The following EPHA3 variants were observed in gnomAD, a reference collection of about 807,000 sequenced individuals.
EPHA3 encodes ephrin type-A receptor 3.
Under a neutral mutation model 107.1 loss-of-function variants are expected in EPHA3, and 42 were observed. The ratio of observed to expected loss-of-function variants is 0.39; its 90% CI spans 0.31 to 0.51. The LOEUF is 0.51. Ranked by LOEUF, EPHA3 falls within the 20% of genes least tolerant of loss-of-function variation. EPHA3 has a pLI of 0.78. For synonymous variants in EPHA3, 461 were observed against 424.8 expected, an observed-to-expected ratio of 1.09 and a Z score of -1.05; for missense variants, 1,183 against 1,211.2, an observed-to-expected ratio of 0.98 and a Z score of 0.35.
chr3:89,214,330 A>T (rs1209059475), intron 3 of EPHA3, among the ~76,000 whole-genome samples: 2 of 151,974 alleles, frequency 1.3e-5, no homozygotes, highest in Non-Finnish European at 2.9e-5. Context: ...CACAATATAC[A>T]GCACTAGACA....
At chr3:89,267,727 A>G (rs1268248495) in intron 3 of EPHA3, among the ~76,000 whole-genome samples, 1 of 152,128 alleles carries the variant, frequency 6.6e-6, no homozygotes, top group Non-Finnish European at 1.5e-5. Flanking sequence ...ATTTCTGTTT[A>G]AGCTTTGGCT....
chr3:89,177,979 A>T (rs1187199448), intron 2 of EPHA3, among the ~76,000 whole-genome samples: 4 of 152,218 alleles, frequency 2.6e-5, no homozygotes, highest in African/African-American at 9.6e-5. Context: ...AATGATAATG[A>T]ACATAATATC....
intron 5 of EPHA3, among the ~76,000 whole-genome samples, chr3:89,352,906 A>G (rs75291740): frequency 2.7e-5 from 4 of 148,584 alleles, no homozygotes; most frequent in African/African-American, 9.8e-5. Context: ...CTGTCTCAAA[A>G]AAAAAAAAAA....
At chr3:89,410,519 T>C (rs1709139188) in intron 9 of EPHA3, among the ~76,000 whole-genome samples, 1 of 152,016 alleles carries the variant, frequency 6.6e-6, no homozygotes, top group East Asian at 1.9e-4. Flanking sequence ...GAGTTATAAT[T>C]ATGTACAAAA....
At chr3:89,116,802 G>A (rs1187478945) in intron 1 of EPHA3, among the ~76,000 whole-genome samples, 2 of 150,008 alleles carry the variant, frequency 1.3e-5, no homozygotes, top group East Asian at 3.9e-4. Context: ...TATTTTCCAT[G>A]AACAAAGTGA....
At chr3:89,326,085 G>T (rs1226129068) in intron 3 of EPHA3, among the ~76,000 whole-genome samples, 1 of 150,986 alleles carries the variant, frequency 6.6e-6, no homozygotes, top group East Asian at 1.9e-4. Context: ...ATGTGATTAT[G>T]ATGATCATTA....
At chr3:89,249,154 C>T (rs1275214452) in intron 3 of EPHA3, among the ~76,000 whole-genome samples, 1 of 152,086 alleles carries the variant, frequency 6.6e-6, no homozygotes, top group Non-Finnish European at 1.5e-5. Context: ...TTGCCTATTG[C>T]CTTTGCCATG....
intron 5 of EPHA3, among the ~76,000 whole-genome samples, chr3:89,350,104 C>T (rs995333229): frequency 2.0e-5 from 3 of 150,764 alleles, no homozygotes; most frequent in African/African-American, 7.3e-5. Context: ...CTTGGAGTTG[C>T]TCTTCTCGAG....
At chr3:89,415,147 T>G (rs1158186334) in intron 10 of EPHA3, among the ~76,000 whole-genome samples, 2 of 151,512 alleles carry the variant, frequency 1.3e-5, no homozygotes, top group Non-Finnish European at 3.0e-5. Flanking sequence ...ATGAAATTAT[T>G]ATTCCTAAAA....
In EPHA3 at chr3:89,480,225, C is replaced by G. The variant is rs1485226978; in HGVS notation, c.*723C>G. The G allele has an allele frequency of 3.4e-5, 8 of 233,048 alleles. No individual in the cohort carries two copies. Among genetic ancestry groups the G allele is most frequent in the African/African-American group, 6.6e-5 (3 of 45,416 alleles). The allele number at this position is 233,048 out of a possible 1,614,324, so 14.4% of individuals were successfully genotyped here. Reference sequence around the variant, plus strand: ...TTGTTACAGCCAAGTGCCAAATGCTCTCTCAAATTGTCAGCAATTTAACTA... The same window carrying G: ...TTGTTACAGCCAAGTGCCAAATGCTGTCTCAAATTGTCAGCAATTTAACTA... On this transcript the variant is annotated 3_prime_UTR_variant, in exon 17 of 17. Transcript: ENST00000336596.
At chr3:89,154,157 T>C (rs567115793) in intron 2 of EPHA3, among the ~76,000 whole-genome samples, 1 of 152,180 alleles carries the variant, frequency 6.6e-6, no homozygotes, top group African/African-American at 2.4e-5. Flanking sequence ...ATTATCATCT[T>C]CTAATATTCT....
intron 2 of EPHA3, among the ~76,000 whole-genome samples, chr3:89,148,551 G>T (rs999620082): frequency 2.6e-5 from 4 of 151,864 alleles, no homozygotes; most frequent in African/African-American, 4.8e-5. Flanking sequence ...TTTTCTCTAG[G>T]TTTTTTCTTC....
intron 3 of EPHA3, among the ~76,000 whole-genome samples, chr3:89,227,203 C>T (rs1704522500): frequency 1.3e-5 from 2 of 151,638 alleles, no homozygotes; most frequent in Non-Finnish European, 2.9e-5. Context: ...TTATTTTTTC[C>T]TCTTTTTCTG....
chr3:89,225,186 C>A (rs1376856886), intron 3 of EPHA3, among the ~76,000 whole-genome samples: 1 of 152,030 alleles, frequency 6.6e-6, no homozygotes, highest in Non-Finnish European at 1.5e-5. Context: ...ATTCACTGGT[C>A]AGTCATGGCT....
chr3:89,290,291 T>C (rs1246225360), intron 3 of EPHA3, among the ~76,000 whole-genome samples: 1 of 152,152 alleles, frequency 6.6e-6, no homozygotes, highest in Non-Finnish European at 1.5e-5. Context: ...ATGAATTCAA[T>C]AATCTTTTGA....
chr3:89,333,100 A>T (rs190499945), intron 3 of EPHA3, among the ~76,000 whole-genome samples: 1 of 152,250 alleles, frequency 6.6e-6, no homozygotes, highest in Non-Finnish European at 1.5e-5. Context: ...TGTGACAAAA[A>T]TGTGTTTTGT....
chr3:89,118,312 C>T (rs996171599), intron 1 of EPHA3, among the ~76,000 whole-genome samples: 2 of 151,800 alleles, frequency 1.3e-5, no homozygotes, highest in Non-Finnish European at 3.0e-5. Context: ...TCTATATTTT[C>T]AGATACAAGT....
chr3:89,381,388 A>T (rs1193712171), intron 5 of EPHA3, among the ~76,000 whole-genome samples: 1 of 151,618 alleles, frequency 6.6e-6, no homozygotes, highest in South Asian at 2.1e-4. Context: ...CCCAATCATC[A>T]GCGTGGTATG....
chr3:89,107,658 G>A lies in EPHA3; in HGVS notation c.-91G>A. 1 of 1,203,824 alleles carries A rather than the reference G, an allele frequency of 8.3e-7. No individual in the cohort carries two copies. Among genetic ancestry groups the A allele is most frequent in the Non-Finnish European group, 1.2e-6 (1 of 820,782 alleles). 74.6% of individuals were successfully genotyped at this position (1,203,824 alleles called of 1,614,324 possible). A position where few individuals can be genotyped will look rare whatever the true frequency, so the allele number is the denominator to read the frequency against. On this transcript the variant is annotated 5_prime_UTR_variant, in exon 1 of 17. Coordinates refer to ENST00000336596, the MANE Select transcript of EPHA3 (RefSeq NM_005233.6). Reference sequence around the variant, plus strand: ...GACATCAGCCTGCGAGCGGAGCATGGTAACTTCTCCAGCAATCAGAGCGCT... The same window carrying A: ...GACATCAGCCTGCGAGCGGAGCATGATAACTTCTCCAGCAATCAGAGCGCT...
Sources: allele counts gnomAD v4.1 joint callset (sites outside exome capture counted in the v4.1 genomes callset), GRCh38; gene constraint gnomAD v4.1.1; transcripts MANE v1.5; gene names NCBI Gene and HGNC (gene_info 2026-07-23, HGNC 2026-07-21).